Variants in CHD3 observed in about 807,000 individuals in gnomAD.
CHD3 encodes the protein ATP-dependent chromatin remodeler CHD3.
A neutral mutation model predicts 248.9 loss-of-function variants in CHD3; 52 were observed. The observed-to-expected ratio is 0.21, with a 90% confidence interval of 0.17 to 0.26. CHD3 has a LOEUF of 0.26. Among genes scored for constraint, CHD3 ranks in the 10% least tolerant of loss-of-function variants. The pLI is 1.00. For missense variants in CHD3, 1,482 were observed against 2,605.8 expected (o/e 0.57, Z 9.39); for synonymous variants, 985 against 985.2 (o/e 1.00, Z 0.00).
In CHD3 at chr17:7,892,949, T is replaced by TA. The variant is rs1472613991; in HGVS notation, c.510-336dup. 2.0e-5 allele frequency among the ~76,000 whole-genome samples: 3 copies of TA among 152,108 alleles called. No homozygotes were observed. In the East Asian group the frequency reaches 5.8e-4, roughly 29 times the overall value. On this transcript the variant is annotated intron_variant, in intron 4 of 39. Transcript: ENST00000330494. ...CCACACCCAGCTAATTATTTTTTTT[T>TA]ATTTTAATTTTTTGTAGAGACAGGA... is the stretch of plus-strand genomic sequence containing the variant.
At position 7,903,570 on chromosome 17, in the gene CHD3, CT is replaced by C; in HGVS notation, c.3727+68del. The C allele has an allele frequency of 1.5e-6, 2 of 1,354,330 alleles. No homozygotes were observed. The highest frequency in any genetic ancestry group is 2.0e-6 in the Non-Finnish European group (2 of 976,364). 83.9% of individuals were successfully genotyped at this position (1,354,330 alleles called of 1,614,324 possible). A position where few individuals can be genotyped will look rare whatever the true frequency, so the allele number is the denominator to read the frequency against. On this transcript the variant is annotated intron_variant, in intron 23 of 39. Coordinates refer to ENST00000330494, the MANE Select transcript of CHD3 (RefSeq NM_001005273.3). This position sits in a 1 kb window ranked among gnomAD's most constrained non-coding sequence, Gnocchi z 6.8. Reference sequence around the variant, plus strand: ...TCTCTCAGGAGTACTTATCAGCCCCCTGGGGAGAGAAAAACAACTCTTCTCT... The same window carrying C: ...TCTCTCAGGAGTACTTATCAGCCCCCGGGGAGAGAAAAACAACTCTTCTCT...
Position 7,904,265 on chromosome 17 carries a change from T to G in CHD3, c.3895-177T>G. 1 of 639,578 alleles carries G rather than the reference T, an allele frequency of 1.6e-6. No individual in the cohort carries two copies. The highest frequency in any genetic ancestry group is 2.7e-5 in the East Asian group (1 of 36,624). 39.6% of individuals were successfully genotyped at this position (639,578 alleles called of 1,614,324 possible). The stretch of plus-strand genomic sequence containing the variant: ...TTTAGAAAACATGAGGAGAGCACAT[T>G]GCAGGTAAGAGATGGCATGGAACAT... On this transcript the variant is annotated intron_variant, in intron 24 of 39. Coordinates refer to ENST00000330494, the MANE Select transcript of CHD3 (RefSeq NM_001005273.3). This position sits in a 1 kb window ranked among gnomAD's most constrained non-coding sequence, Gnocchi z 4.4.
Position 7,908,122 on chromosome 17 carries a change from A to G in CHD3, c.5152+103A>G. 2.2e-6 allele frequency: 3 copies of G among 1,373,518 alleles called. No individual in the cohort carries two copies. The highest frequency in any genetic ancestry group is 2.9e-5 in the African/African-American group (2 of 68,954). The allele number at this position is 1,373,518 out of a possible 1,614,324, so 85.1% of individuals were successfully genotyped here. A position where few individuals can be genotyped will look rare whatever the true frequency, so the allele number is the denominator to read the frequency against. ...CTTCCTGCTACCTTTAATTCCAAGT[A>G]ACTTCCAATGAAGTATGTTGCATGC... is the stretch of plus-strand genomic sequence containing the variant. On this transcript the variant is annotated intron_variant, in intron 34 of 39. Coordinates refer to ENST00000330494, the MANE Select transcript of CHD3 (RefSeq NM_001005273.3). This position sits in a 1 kb window ranked among gnomAD's most constrained non-coding sequence, Gnocchi z 5.8.
rs766690054 is a variant in CHD3, at chr17:7,894,199, C to T, written c.1009C>T (p.Arg337Trp). The T allele has an allele frequency of 5.6e-6, 9 of 1,614,202 alleles. No individual in the cohort carries two copies. The highest frequency in any genetic ancestry group is 4.5e-5 in the East Asian group (2 of 44,882). ...TGGCAGTGTCCACAGTGCCTCAGGC[C>T]GGCCTGATGGCCCTGTCCGCACCAA... The part of the protein sequence containing the change: ...DSGSVHSASG[R>W]PDGPVRTKKL... The change falls in exon 7 of 40, where the codon CGG (arginine) becomes TGG (tryptophan). Residue 337 changes from arginine to tryptophan, a missense_variant. Arg to Trp is a moderately radical substitution (Grantham distance 101). Transcript: ENST00000330494.
rs1400611051 is a variant in CHD3, at chr17:7,895,593, C to CCTCT, written c.1707+53_1707+56dup. On this transcript the variant is annotated intron_variant, in intron 10 of 39. Transcript: ENST00000330494. The surrounding 1 kb of genome is among the most constrained non-coding windows in gnomAD (Gnocchi z 4.9). ...CCCCCATGACCTCATTTCCTGCCAT[C>CCTCT]CTCTCCCTCTCTTACTCCTCTGTTT... The CCTCT allele has an allele frequency of 6.8e-7, 1 of 1,475,804 alleles. No homozygotes were observed. The highest frequency in any genetic ancestry group is 9.4e-7 in the Non-Finnish European group (1 of 1,058,808). 91.4% of individuals were successfully genotyped at this position (1,475,804 alleles called of 1,614,324 possible).
rs1968501208 is a variant in CHD3 at position 7,889,448 on chromosome 17, C to T, written c.101-216C>T. 6.6e-6 allele frequency among the ~76,000 whole-genome samples: 1 copy of T among 152,222 alleles called. No homozygotes were observed. The highest frequency in any genetic ancestry group is 1.5e-5 in the Non-Finnish European group (1 of 68,016). ...GGGAGGGAGGGGAGTGGTTTGGCTG[C>T]TCTTCTCTTCTGACCCCTGACCTCC... On this transcript the variant is annotated intron_variant, in intron 1 of 39. Transcript: ENST00000330494. The surrounding 1 kb of genome is among the most constrained non-coding windows in gnomAD (Gnocchi z 4.5).
upstream of CHD3, chr17:7,884,981 G>A: frequency 8.0e-7 from 1 of 1,254,920 alleles, no homozygotes; most frequent in Non-Finnish European, 1.0e-6. Flanking sequence ...GCCGGGCCAC[G>A]ACCGGGGCCG....
intron 3 of CHD3, 88 bp downstream of exon 3, chr17:7,890,829 G>A: frequency 6.3e-7 from 1 of 1,581,996 alleles, no homozygotes; most frequent in Non-Finnish European, 8.6e-7. Flanking sequence ...TGGAGAATGG[G>A]GCAAGAAGCA....
At chr17:7,898,412 G>T in intron 12 of CHD3, 84 bp from the exon 13 acceptor site, 1 of 1,008,522 alleles carries the variant, frequency 9.9e-7, no homozygotes, top group East Asian at 2.4e-5. Context: ...CATGGACAGT[G>T]GGAAGTAGGT....
chr17:7,910,082 C>G lies in CHD3; in HGVS notation c.5591-346C>G. On this transcript the variant is annotated intron_variant, in intron 37 of 39. Transcript: ENST00000330494. This position sits in a 1 kb window ranked among gnomAD's most constrained non-coding sequence, Gnocchi z 4.7. ...ATCCCCAACCCCAAACCTTGCTCTT[C>G]CAGTATGAGATGTTCTGACAACTCC... 1 of 364,032 alleles carries G rather than the reference C, an allele frequency of 2.7e-6. No individual in the cohort carries two copies. The highest frequency in any genetic ancestry group is 2.5e-5 in the South Asian group (1 of 39,504). The allele number at this position is 364,032 out of a possible 1,614,324, so 22.6% of individuals were successfully genotyped here. A position where few individuals can be genotyped will look rare whatever the true frequency, so the allele number is the denominator to read the frequency against.
At position 7,894,901 on chromosome 17, in the gene CHD3, A is replaced by G. The variant is rs776906050; in HGVS notation, c.1270-16A>G. Reference sequence around the variant, plus strand: ...ATTTCTTCCATCTGTCTGTGTGTCTATCCTTGGCCCCCTAGGAGAAGGAGG... The same window carrying G: ...ATTTCTTCCATCTGTCTGTGTGTCTGTCCTTGGCCCCCTAGGAGAAGGAGG... On this transcript the variant is annotated splice_polypyrimidine_tract_variant and intron_variant, in intron 8 of 39. Transcript: ENST00000330494. 4.3e-6 allele frequency: 7 copies of G among 1,611,938 alleles called. No individual in the cohort carries two copies. The African/African-American group carries it at 5.3e-5, about 12-fold the overall frequency.
chr17:7,906,135 TG>T lies in CHD3; in HGVS notation c.4358+152del, dbSNP rs755097110. 8 of 1,293,674 alleles carry T rather than the reference TG, an allele frequency of 6.2e-6. No homozygotes were observed. The highest frequency in any genetic ancestry group is 2.3e-5 in the East Asian group (1 of 43,360). 80.1% of individuals were successfully genotyped at this position (1,293,674 alleles called of 1,614,324 possible). On this transcript the variant is annotated intron_variant, in intron 28 of 39. Transcript: ENST00000330494. This position sits in a 1 kb window ranked among gnomAD's most constrained non-coding sequence, Gnocchi z 5.0. ...TACAATACTTCCTGGCTCGATTTCC[TG>T]GGGGGTGGTCTCAGCCCACTCCACC...
intron 19 of CHD3, 46 bp downstream of exon 19, chr17:7,901,039 A>C: frequency 6.3e-7 from 1 of 1,596,826 alleles, no homozygotes; most frequent in Non-Finnish European, 8.6e-7. Context: ...ATTCTCAGAA[A>C]ACATGGGTGG....
rs1021333100 is a variant in CHD3 at position 7,906,064 on chromosome 17, G to A, written c.4358+75G>A. 108 of 1,579,256 alleles carry A rather than the reference G, an allele frequency of 6.8e-5. 1 individual carries two copies. Among genetic ancestry groups the A allele is most frequent in the Non-Finnish European group, 8.3e-5 (96 of 1,153,682 alleles). On this transcript the variant is annotated intron_variant, in intron 28 of 39. Coordinates refer to ENST00000330494, the MANE Select transcript of CHD3 (RefSeq NM_001005273.3). The surrounding 1 kb of genome is among the most constrained non-coding windows in gnomAD (Gnocchi z 5.0). ...GGGTGTTCCTTTCTTCCTTGGGGCC[G>A]CCATATGATGTGACCTTACTCAACT...
At position 7,889,669 on chromosome 17, in the gene CHD3, G is replaced by A. The variant is rs773838784; in HGVS notation, c.106G>A (p.Asp36Asn). The A allele has an allele frequency of 6.2e-7, 1 of 1,611,700 alleles. No homozygotes were observed. The highest frequency in any genetic ancestry group is 1.7e-5 in the Admixed American group (1 of 59,732). The part of the protein sequence containing the change: ...LCWGDRMPDK[D>N]DIRLLPSALG... ...TGATGCTTTTTGCTTCAAAGATAAG[G>A]ATGACATTCGGCTGCTGCCGTCAGC... The change falls in exon 2 of 40, where the codon GAT (aspartate) becomes AAT (asparagine). Residue 36 changes from aspartate to asparagine, a missense_variant. This residue lies in a region of CHD3 where 169 missense variants were observed against 168.1 expected (regional missense o/e 1.01). Transcript: ENST00000330494. The surrounding 1 kb of genome is among the most constrained non-coding windows in gnomAD (Gnocchi z 4.5).
Position 7,909,514 on chromosome 17 carries a change from C to A in CHD3, c.5590+176C>A. 1 of 903,230 alleles carries A rather than the reference C, an allele frequency of 1.1e-6. No homozygotes were observed. The highest frequency in any genetic ancestry group is 1.6e-6 in the Non-Finnish European group (1 of 620,276). The allele number at this position is 903,230 out of a possible 1,614,324, so 56.0% of individuals were successfully genotyped here. A position where few individuals can be genotyped will look rare whatever the true frequency, so the allele number is the denominator to read the frequency against. On this transcript the variant is annotated intron_variant, in intron 37 of 39. Transcript: ENST00000330494. This position sits in a 1 kb window ranked among gnomAD's most constrained non-coding sequence, Gnocchi z 8.1. Reference sequence around the variant, plus strand: ...CCCCCTTGGATTTTAGCCTCTAGGACTTGTGCAAGCCAACCCTCATCCATG... The same window carrying A: ...CCCCCTTGGATTTTAGCCTCTAGGAATTGTGCAAGCCAACCCTCATCCATG...
At chr17:7,892,048 C>T (rs1295273952) in intron 4 of CHD3, among the ~76,000 whole-genome samples, 1 of 152,140 alleles carries the variant, frequency 6.6e-6, no homozygotes, top group Non-Finnish European at 1.5e-5. Flanking sequence ...ATATATACCT[C>T]ATAGGAATCT....
At chr17:7,888,786 C>T (rs151230039), upstream of CHD3, 15 of 1,412,866 alleles carry the variant, frequency 1.1e-5, no homozygotes, top group East Asian at 5.2e-5. Context: ...TCTGTCTGTG[C>T]CTATATCTTT....
In CHD3 at chr17:7,893,567, A is replaced by G; in HGVS notation, c.791A>G (p.Lys264Arg). 6.4e-7 allele frequency: 1 copy of G among 1,566,452 alleles called. No homozygotes were observed. The highest frequency in any genetic ancestry group is 8.7e-7 in the Non-Finnish European group (1 of 1,155,046). Reference protein sequence around the residue: ...PIRRAKTKEGKGPGHKRRSKS... With the variant: ...PIRRAKTKEGRGPGHKRRSKS... ...CGAAGAGCCAAAACCAAAGAGGGCA[A>G]AGGTAGGGAACTCTCTTCCAACAAC... The change falls in exon 5 of 40, where the codon AAA (lysine) becomes AGA (arginine). Residue 264 changes from lysine to arginine, a missense_variant and splice_region_variant. Physicochemically the swap from Lys to Arg is conservative, Grantham distance 26. Transcript: ENST00000330494.
Sources: gnomAD v4.1 joint callset for allele counts (sites outside exome capture counted in the v4.1 genomes callset) on GRCh38, gnomAD v4.1.1 for gene constraint, gnomAD v4.1.1 regional missense constraint, Gnocchi (gnomAD v3.1) non-coding constraint, MANE v1.5 for transcripts, NCBI Gene and HGNC (gene_info 2026-07-23, HGNC 2026-07-21) for gene names.